ANKRD6: variants seen among roughly 807,000 people sequenced by gnomAD.
ANKRD6 encodes the protein ankyrin repeat domain-containing protein 6.
Under a neutral mutation model 82.3 loss-of-function variants are expected in ANKRD6, and 56 were observed. The observed-to-expected ratio is 0.68, with a 90% CI of 0.55 to 0.85. ANKRD6 has a LOEUF of 0.85. Ranked by LOEUF, ANKRD6 falls within the 40% of genes least tolerant of loss-of-function variation. The pLI, the probability that ANKRD6 is intolerant of heterozygous loss-of-function variation, is 0.00. For missense variants in ANKRD6, 852 were observed against 907.6 expected (o/e 0.94, Z 0.79); for synonymous variants, 347 against 352.1 (o/e 0.99, Z 0.16).
chr6:89,552,047 T>C (rs1272737156), intron 1 of ANKRD6, among the ~76,000 whole-genome samples: 1 of 152,230 alleles, frequency 6.6e-6, no homozygotes, highest in Non-Finnish European at 1.5e-5. Flanking sequence ...ACATAATTAT[T>C]GGTTAAGGAA....
intron 2 of ANKRD6, among the ~76,000 whole-genome samples, chr6:89,570,846 T>G (rs1481661919): frequency 6.6e-6 from 1 of 152,264 alleles, no homozygotes; most frequent in Non-Finnish European, 1.5e-5. Context: ...TATTGCTGTA[T>G]GAACATGGGT....
chr6:89,452,078 A>G (rs550726183), intron 1 of ANKRD6, among the ~76,000 whole-genome samples: 6 of 152,232 alleles, frequency 3.9e-5, no homozygotes, highest in Admixed American at 1.3e-4. Flanking sequence ...CTACTTGGGA[A>G]GCTGAGGCAG....
In ANKRD6 at chr6:89,627,670, G is replaced by C. The variant is rs774489494; in HGVS notation, c.1459G>C (p.Glu487Gln). ...CCGCCTGCAACAGCACTCAGACACA[G>C]AGAAGCATGAGGGGGAGAAACGACA... is the stretch of plus-strand genomic sequence containing the variant. ...LNRLQQHSDT[E>Q]KHEGEKRQIS... Residue 487 changes from glutamate (E) to glutamine (Q), a missense_variant, in exon 14 of 16, where the codon GAG (glutamate) becomes CAG (glutamine). By Grantham distance (29) the Glu-to-Gln change is conservative. Transcript: ENST00000339746. 3.1e-6 allele frequency: 5 copies of C among 1,613,750 alleles called. No homozygotes were observed. The highest frequency in any genetic ancestry group is 1.6e-4 in the Middle Eastern group (1 of 6,062).
chr6:89,605,775 A>G (rs1466316456), intron 4 of ANKRD6, among the ~76,000 whole-genome samples: 1 of 152,194 alleles, frequency 6.6e-6, no homozygotes, highest in Non-Finnish European at 1.5e-5. Flanking sequence ...ATGGTTCGTC[A>G]TGGATTCATT....
chr6:89,628,320 A>T lies in ANKRD6; in HGVS notation c.1485+624A>T, dbSNP rs150839947. The T allele has an allele frequency of 1.3e-3, 201 of 160,360 alleles. 3 individuals carry two copies. Among genetic ancestry groups the T allele is most frequent in the Admixed American group, 0.01 (168 of 16,150 alleles). 9.9% of individuals were successfully genotyped at this position (160,360 alleles called of 1,614,324 possible). A position where few individuals can be genotyped will look rare whatever the true frequency, so the allele number is the denominator to read the frequency against. ...TGGTTCTGCAGGCTGTACAAGAAGC[A>T]TGCTGCCAACATCTGCATCTGGTGA... On this transcript the variant is annotated intron_variant, in intron 14 of 15. Coordinates refer to ENST00000339746, the MANE Select transcript of ANKRD6 (RefSeq NM_001242809.2).
At chr6:89,472,965 G>A (rs1412998596) in intron 1 of ANKRD6, among the ~76,000 whole-genome samples, 6 of 152,016 alleles carry the variant, frequency 3.9e-5, no homozygotes, top group African/African-American at 1.2e-4. Flanking sequence ...TCTTTAAATC[G>A]GAGATTATTA....
chr6:89,460,362 TTAGA>T (rs1251160820), intron 1 of ANKRD6, among the ~76,000 whole-genome samples: 6 of 152,120 alleles, frequency 3.9e-5, no homozygotes, highest in African/African-American at 1.4e-4. Context: ...CCAAAGCAAC[TTAGA>T]TAAGTAACTA....
At position 89,531,405 on chromosome 6, in the gene ANKRD6, A is replaced by G. The variant is rs1040497861; in HGVS notation, c.-143-35429A>G. Among the ~76,000 whole-genome samples the G allele has an allele frequency of 2.0e-5, 3 of 152,256 alleles. No homozygotes were observed. The South Asian group carries it at 6.2e-4, about 32-fold the overall frequency. On this transcript the variant is annotated intron_variant, in intron 1 of 15. Transcript: ENST00000339746. ...TGTTTTATCTCCCATTTCTAAGAGAAAAGGCATTAATATCCAACCATGTGG... is the reference window on the plus strand; with the variant it reads ...TGTTTTATCTCCCATTTCTAAGAGAGAAGGCATTAATATCCAACCATGTGG...
intron 1 of ANKRD6, among the ~76,000 whole-genome samples, chr6:89,491,854 C>T (rs1037826976): frequency 2.6e-5 from 4 of 151,994 alleles, no homozygotes; most frequent in Admixed American, 2.6e-4. Flanking sequence ...GAATGTAATT[C>T]TCCCTGAAGA....
chr6:89,511,825 T>A (rs1780586428), intron 1 of ANKRD6, among the ~76,000 whole-genome samples: 2 of 152,162 alleles, frequency 1.3e-5, no homozygotes, highest in South Asian at 4.1e-4. Context: ...TTGTGGCAAA[T>A]AACTGAATTC....
chr6:89,614,755 A>G (rs1801079380), intron 7 of ANKRD6, among the ~76,000 whole-genome samples: 1 of 150,182 alleles, frequency 6.7e-6, no homozygotes, highest in Admixed American at 6.7e-5. Context: ...TGAGCCTAGG[A>G]GTTTGAAGCT....
intron 1 of ANKRD6, among the ~76,000 whole-genome samples, chr6:89,463,457 G>A (rs1013754770): frequency 6.6e-6 from 1 of 152,064 alleles, no homozygotes; most frequent in Non-Finnish European, 1.5e-5. Flanking sequence ...AAAAATTAAA[G>A]TACTGGGTGC....
At chr6:89,472,169 C>T (rs953113265) in intron 1 of ANKRD6, among the ~76,000 whole-genome samples, 2 of 152,010 alleles carry the variant, frequency 1.3e-5, no homozygotes, top group Admixed American at 6.6e-5. Context: ...CCTAATTTCC[C>T]CATTCTATAA....
At position 89,623,804 on chromosome 6, in the gene ANKRD6, G is replaced by A. The variant is rs193125896; in HGVS notation, c.1033-68G>A. On this transcript the variant is annotated intron_variant, in intron 11 of 15. Transcript: ENST00000339746. ...TTTGCCCAAATGGGGTGACATGGGC[G>A]CCACCGACTGGTGTCAGTCTTGCAG... 621 of 1,495,520 alleles carry A rather than the reference G, an allele frequency of 4.2e-4. 1 individual carries two copies. The highest frequency in any genetic ancestry group is 3.2e-4 in the Non-Finnish European group (351 of 1,108,414). The allele number at this position is 1,495,520 out of a possible 1,614,324, so 92.6% of individuals were successfully genotyped here. A position where few individuals can be genotyped will look rare whatever the true frequency, so the allele number is the denominator to read the frequency against.
intron 1 of ANKRD6, among the ~76,000 whole-genome samples, chr6:89,557,340 T>C (rs1786736355): frequency 1.3e-5 from 2 of 151,812 alleles, no homozygotes; most frequent in Non-Finnish European, 2.9e-5. Context: ...GCAGAGAAGA[T>C]GCCCAAAAAC....
chr6:89,494,621 C>A (rs756628813), intron 1 of ANKRD6, among the ~76,000 whole-genome samples: 56 of 152,184 alleles, frequency 3.7e-4, no homozygotes, highest in Non-Finnish European at 6.5e-4. Flanking sequence ...CTCAACATTG[C>A]ATGCAGCTGC....
chr6:89,522,954 C>T (rs371407908), intron 1 of ANKRD6, among the ~76,000 whole-genome samples: 5 of 152,054 alleles, frequency 3.3e-5, no homozygotes, highest in Non-Finnish European at 7.4e-5. Flanking sequence ...ATGTCAGGTG[C>T]GGGGACTGGG....
intron 1 of ANKRD6, among the ~76,000 whole-genome samples, chr6:89,558,980 C>T (rs949305859): frequency 5.3e-5 from 8 of 152,014 alleles, no homozygotes; most frequent in African/African-American, 1.2e-4. Flanking sequence ...AAGAGAAAGC[C>T]GTGCATATAC....
chr6:89,579,721 C>T lies in ANKRD6; in HGVS notation c.120+12625C>T, dbSNP rs893988979. On this transcript the variant is annotated intron_variant, in intron 2 of 15. Transcript: ENST00000339746. ...GCAGTAATCCAAGATAGTGCCACTG[C>T]ACTCCAGCCTGGGCCACAGAGCAAG... Among the ~76,000 whole-genome samples the T allele has an allele frequency of 2.9e-5, 4 of 139,130 alleles. No homozygotes were observed. The East Asian group carries it at 8.1e-4, about 28-fold the overall frequency. The allele number at this position is 139,130 out of a possible 152,430, so 91.3% of individuals were successfully genotyped here.
Sources: allele counts gnomAD v4.1 joint callset (sites outside exome capture counted in the v4.1 genomes callset), GRCh38; gene constraint gnomAD v4.1.1; transcripts MANE v1.5; gene names NCBI Gene and HGNC (gene_info 2026-07-23, HGNC 2026-07-21).